NFU1: variants seen among roughly 807,000 people sequenced by gnomAD.
NFU1 encodes NFU1 iron-sulfur cluster scaffold homolog, mitochondrial.
Under a neutral mutation model 32.2 loss-of-function variants are expected in NFU1, and 30 were observed. That is an observed-to-expected ratio of 0.93 (90% CI 0.70 to 1.26). The LOEUF is 1.26. NFU1 is among the 50% of genes most tolerant of loss of function. The pLI, the probability that NFU1 is intolerant of heterozygous loss-of-function variation, is 0.00. For synonymous variants in NFU1, 112 were observed against 104.6 expected (o/e 1.07, Z -0.43); for missense variants, 306 against 306.6 (o/e 1.00, Z 0.02).
At chr2:69,419,222 G>C (rs1035312365) in intron 4 of NFU1, among the ~76,000 whole-genome samples, 1 of 149,606 alleles carries the variant, frequency 6.7e-6, no homozygotes, top group African/African-American at 2.5e-5. Flanking sequence ...GGCGGGGGGG[G>C]GCGCCGAGGC....
intron 5 of NFU1, chr2:69,411,135 G>A (rs2104761500): frequency 6.6e-6 from 1 of 152,038 alleles, no homozygotes; most frequent in South Asian, 2.1e-4. Context: ...TGGGATAATT[G>A]ATTACCTATG....
At chr2:69,415,715 C>T (rs1453558071) in intron 4 of NFU1, among the ~76,000 whole-genome samples, 1 of 152,154 alleles carries the variant, frequency 6.6e-6, no homozygotes, top group African/African-American at 2.4e-5. Context: ...GTGGTTCATG[C>T]CTGTAATCCC....
intron 7 of NFU1, chr2:69,399,252 G>A: frequency 2.9e-6 from 1 of 348,418 alleles, no homozygotes; most frequent in South Asian, 2.1e-5. Flanking sequence ...AAATTCTGTG[G>A]GTTGGAAATT....
At chr2:69,398,113 C>A (rs1480620530) in intron 7 of NFU1, among the ~76,000 whole-genome samples, 1 of 152,026 alleles carries the variant, frequency 6.6e-6, no homozygotes, top group Non-Finnish European at 1.5e-5. Context: ...CAGAATTATT[C>A]CTTAATTTGG....
chr2:69,400,516 C>T lies in NFU1; in HGVS notation c.568G>A (p.Gly190Arg). The T allele has an allele frequency of 6.2e-7, 1 of 1,614,062 alleles. No homozygotes were observed. Among genetic ancestry groups the T allele is most frequent in the Non-Finnish European group, 8.5e-7 (1 of 1,179,978 alleles). The change falls in exon 7 of 8, where the codon GGG (glycine) becomes AGG (arginine). Residue 190 changes from glycine (G) to arginine (R), a missense_variant. Physicochemically the swap from Gly to Arg is moderately radical, Grantham distance 125. Coordinates refer to ENST00000410022, the MANE Select transcript of NFU1 (RefSeq NM_001002755.4). The stretch of plus-strand genomic sequence containing the variant: ...TCAAAGCCTTTGTAGATTACATCCC[C>T]TCCATCTTCCTGCACAGTTGGCCTG... ...RIRPTVQEDGGDVIYKGFEDG... is the reference protein window; with the variant it reads ...RIRPTVQEDGRDVIYKGFEDG...
chr2:69,413,883 C>A (rs1056442388), intron 5 of NFU1, among the ~76,000 whole-genome samples: 3 of 151,990 alleles, frequency 2.0e-5, no homozygotes, highest in Middle Eastern at 3.2e-3. Flanking sequence ...TCTGTCTCTA[C>A]TAAAAATACA....
chr2:69,397,236 G>A (rs1250571468), intron 7 of NFU1, among the ~76,000 whole-genome samples: 2 of 151,474 alleles, frequency 1.3e-5, no homozygotes, highest in African/African-American at 4.9e-5. Context: ...AATCCCCAAG[G>A]AAAGTGAAAA....
At chr2:69,400,858 G>A (rs1469584515) in intron 6 of NFU1, among the ~76,000 whole-genome samples, 1 of 152,158 alleles carries the variant, frequency 6.6e-6, no homozygotes, top group Admixed American at 6.5e-5. Flanking sequence ...GCCAAGGTAG[G>A]AGGACTGCTT....
At chr2:69,439,555 C>G (rs1045341952), upstream of NFU1, among the ~76,000 whole-genome samples, 1 of 152,204 alleles carries the variant, frequency 6.6e-6, no homozygotes, top group African/African-American at 2.4e-5. Flanking sequence ...GAAGGGGACC[C>G]AAGCAGGTTG....
chr2:69,415,979 T>C (rs999224981), intron 4 of NFU1, among the ~76,000 whole-genome samples: 1 of 115,426 alleles, frequency 8.7e-6, no homozygotes, highest in Non-Finnish European at 1.8e-5. Context: ...TTTTTAAAAA[T>C]AATAAAGGGA....
chr2:69,405,113 G>A (rs6743444), intron 6 of NFU1, among the ~76,000 whole-genome samples: 99,606 of 151,800 alleles, frequency 0.66, 34,006 homozygotes, highest in African/African-American at 0.86. Context: ...TGGGTGTGGT[G>A]GCCTGTGCCT....
At chr2:69,399,077 A>G (rs1672428208) in intron 7 of NFU1, among the ~76,000 whole-genome samples, 1 of 151,956 alleles carries the variant, frequency 6.6e-6, no homozygotes, top group Non-Finnish European at 1.5e-5. Context: ...AAATGGTGGC[A>G]TGTGCCTGTA....
rs180876250 is a variant in NFU1 at position 69,403,274 on chromosome 2, T to C, written c.546-2736A>G. 9.0e-3 allele frequency among the ~76,000 whole-genome samples: 1,373 copies of C among 152,360 alleles called. 9 individuals are homozygous for C. The highest frequency in any genetic ancestry group is 0.013 in the Non-Finnish European group (887 of 68,036). On this transcript the variant is annotated intron_variant, in intron 6 of 7. Transcript: ENST00000410022. ...ATCTTATTTTTGTTCATCAAACTAC[T>C]GTCATTTAAATGCCAACACTTTTGA...
chr2:69,438,128 A>C (rs564475317), upstream of NFU1, among the ~76,000 whole-genome samples: 1 of 152,284 alleles, frequency 6.6e-6, no homozygotes, highest in Non-Finnish European at 1.5e-5. Context: ...CTAGGGGCCA[A>C]AAAAAAGCAG....
chr2:69,427,553 G>A (rs988910447), intron 2 of NFU1, among the ~76,000 whole-genome samples: 7 of 148,738 alleles, frequency 4.7e-5, no homozygotes, highest in South Asian at 2.2e-4. Context: ...GGTAGTGTGC[G>A]TCCGTAGTCC....
chr2:69,409,281 A>G (rs1013306700), intron 5 of NFU1, among the ~76,000 whole-genome samples: 1 of 152,206 alleles, frequency 6.6e-6, no homozygotes, highest in Non-Finnish European at 1.5e-5. Context: ...ATAAATGTAC[A>G]TACATTTGAA....
intron 3 of NFU1, among the ~76,000 whole-genome samples, chr2:69,420,493 A>G (rs1229407105): frequency 1.3e-5 from 2 of 152,160 alleles, no homozygotes; most frequent in East Asian, 1.9e-4. Flanking sequence ...GACTACCCCT[A>G]CCAAATCCTG....
At chr2:69,406,951 G>T (rs1402243423) in intron 5 of NFU1, among the ~76,000 whole-genome samples, 2 of 152,108 alleles carry the variant, frequency 1.3e-5, no homozygotes, top group Non-Finnish European at 2.9e-5. Context: ...CGTTTTATAA[G>T]GAACTTTTCT....
At chr2:69,407,648 C>G (rs1179088420) in intron 5 of NFU1, among the ~76,000 whole-genome samples, 1 of 147,906 alleles carries the variant, frequency 6.8e-6, no homozygotes, top group Admixed American at 6.9e-5. Flanking sequence ...GTATTCCAGC[C>G]TGGCTAACAG....
Sources: gnomAD v4.1 joint callset for allele counts (sites outside exome capture counted in the v4.1 genomes callset) on GRCh38, gnomAD v4.1.1 for gene constraint, MANE v1.5 for transcripts, NCBI Gene and HGNC (gene_info 2026-07-23, HGNC 2026-07-21) for gene names.